The following ZNF615 variants were observed in gnomAD, a reference collection of about 807,000 sequenced individuals.
The protein encoded by ZNF615 is zinc finger protein 615.
Under a neutral mutation model 15.3 loss-of-function variants are expected in ZNF615, and 15 were observed. The observed-to-expected ratio is 0.98, with a 90% confidence interval of 0.66 to 1.51. ZNF615 has a LOEUF of 1.51. ZNF615 is among the 40% of genes most tolerant of loss of function. The pLI is 0.00. For missense variants in ZNF615, 848 were observed against 895.9 expected, an observed-to-expected ratio of 0.95 and a Z score of 0.68; for synonymous variants, 268 against 294.6, an observed-to-expected ratio of 0.91 and a Z score of 0.92.
intron 6 of ZNF615, among the ~76,000 whole-genome samples, chr19:51,996,160 C>A (rs1461652720): frequency 1.3e-5 from 2 of 151,856 alleles, no homozygotes; most frequent in African/African-American, 2.4e-5. Context: ...GAGGACAAAG[C>A]GGGTAGATCA....
chr19:51,998,497 A>G (rs2086504201), intron 6 of ZNF615, among the ~76,000 whole-genome samples: 1 of 152,182 alleles, frequency 6.6e-6, no homozygotes, highest in African/African-American at 2.4e-5. Flanking sequence ...CCTTATAGCA[A>G]TTTTTACTCC....
Position 51,993,390 on chromosome 19 carries a change from A to G in ZNF615, c.1719T>C (p.His573=). 1.2e-6 allele frequency: 2 copies of G among 1,614,072 alleles called. No homozygotes were observed. Among genetic ancestry groups the G allele is most frequent in the Non-Finnish European group, 1.7e-6 (2 of 1,179,990 alleles). ...KSHLNVHRRT[H]TGEKPYVCSE... ...TGCATACATAGGGTTTCTCTCCTGT[A>G]TGAGTGCGCCGATGTACATTGAGAT... is the stretch of plus-strand genomic sequence containing the variant. Residue 573 remains histidine, a synonymous_variant, in exon 7 of 7, where the codon CAT becomes CAC. Coordinates refer to ENST00000598071, the MANE Select transcript of ZNF615 (RefSeq NM_001199324.2).
chr19:51,995,185 C>T lies in ZNF615; in HGVS notation c.272-348G>A, dbSNP rs546301878. On this transcript the variant is annotated intron_variant, in intron 6 of 6. Coordinates refer to ENST00000598071, the MANE Select transcript of ZNF615 (RefSeq NM_001199324.2). ...ACATTGGGAGAGATGTGTAAGATTC[C>T]TTTTATCTCTTACACATAAAGGAAA... Among the ~76,000 whole-genome samples the T allele has an allele frequency of 1.9e-3, 289 of 152,186 alleles. 1 individual carries two copies. Among genetic ancestry groups the T allele is most frequent in the African/African-American group, 6.6e-3 (274 of 41,522 alleles).
Position 51,994,366 on chromosome 19 carries a change from C to A in ZNF615, c.743G>T (p.Cys248Phe). ...GGATTTTCTGGAGAAAGCTTTCCCA[C>A]ACATACTGCATACATGAGGTTTTTC... ...TGEKPHVCSM[C>F]GKAFSRKSRL... The change falls in exon 7 of 7, where the codon TGT becomes TTT. Residue 248 changes from cysteine to phenylalanine, a missense_variant. Transcript: ENST00000598071. 6.2e-7 allele frequency: 1 copy of A among 1,614,130 alleles called. No homozygotes were observed. The highest frequency in any genetic ancestry group is 1.3e-5 in the African/African-American group (1 of 75,050).
intron 5 of ZNF615, among the ~76,000 whole-genome samples, chr19:52,001,511 A>G (rs779274479): frequency 2.3e-4 from 35 of 151,384 alleles, no homozygotes; most frequent in South Asian, 6.3e-4. Flanking sequence ...CCAGCTACTC[A>G]GGAGGCTGAG....
intron 3 of ZNF615, chr19:52,002,509 C>A: frequency 1.6e-6 from 1 of 633,516 alleles, no homozygotes; most frequent in Non-Finnish European, 2.9e-6. Flanking sequence ...ACACAGCTAT[C>A]CAATCCTCTT....
chr19:51,998,844 G>A (rs1292212032), intron 6 of ZNF615, among the ~76,000 whole-genome samples: 2 of 152,038 alleles, frequency 1.3e-5, no homozygotes, highest in African/African-American at 2.4e-5. Context: ...TAGTAGAAAC[G>A]GGGTTTCACC....
chr19:51,993,626 A>G lies in ZNF615; in HGVS notation c.1483T>C (p.Tyr495His). Residue 495 changes from tyrosine (Y) to histidine (H), a missense_variant, in exon 7 of 7, where the codon TAT becomes CAT. By Grantham distance (83) the Tyr-to-His change is moderately conservative. Transcript: ENST00000598071. ...CCTTTTCCACAATCATTGCATATATATGGCTTCTCTGCAGTATGAGTTCGC... is the reference window on the plus strand; with the variant it reads ...CCTTTTCCACAATCATTGCATATATGTGGCTTCTCTGCAGTATGAGTTCGC... ...HQRTHTAEKPYICNDCGKGFT... is the reference protein window; with the variant it reads ...HQRTHTAEKPHICNDCGKGFT... The G allele has an allele frequency of 6.2e-7, 1 of 1,614,032 alleles. No homozygotes were observed.
Position 51,993,451 on chromosome 19 carries a change from C to T in ZNF615, c.1658G>A (p.Cys553Tyr). 7 of 1,614,148 alleles carry T rather than the reference C, an allele frequency of 4.3e-6. No individual in the cohort carries two copies. Among genetic ancestry groups the T allele is most frequent in the Non-Finnish European group, 5.1e-6 (6 of 1,180,016 alleles). Residue 553 changes from cysteine (C) to tyrosine (Y), a missense_variant, in exon 7 of 7, where the codon TGC becomes TAC. Transcript: ENST00000598071. ...RTHTGEKPYI[C>Y]NECGKGFTEK... Reference sequence around the variant, plus strand: ...AGTGAAGCCTTTTCCACACTCATTGCAAATATAAGGTTTCTCTCCTGTATG... The same window carrying T: ...AGTGAAGCCTTTTCCACACTCATTGTAAATATAAGGTTTCTCTCCTGTATG...
At chr19:52,003,983 G>T in intron 2 of ZNF615, 83 bp from the exon 3 acceptor site, 1 of 967,310 alleles carries the variant, frequency 1.0e-6, no homozygotes. Context: ...CTTAAATCAA[G>T]GCCCCCAAAT....
Position 51,992,657 on chromosome 19 carries a change from G to A in ZNF615, c.*223C>T, listed in dbSNP as rs2086266396. On this transcript the variant is annotated 3_prime_UTR_variant, in exon 7 of 7. Coordinates refer to ENST00000598071, the MANE Select transcript of ZNF615 (RefSeq NM_001199324.2). ...TGAGGGGGTTTATCTTCCCACCAAAGGCTTTTATAGTCTGCCACATTCATA... is the reference window on the plus strand; with the variant it reads ...TGAGGGGGTTTATCTTCCCACCAAAAGCTTTTATAGTCTGCCACATTCATA... 2 of 544,242 alleles carry A rather than the reference G, an allele frequency of 3.7e-6. No individual in the cohort carries two copies. The highest frequency in any genetic ancestry group is 6.4e-6 in the Non-Finnish European group (2 of 312,998). The allele number at this position is 544,242 out of a possible 1,614,324, so 33.7% of individuals were successfully genotyped here. A position where few individuals can be genotyped will look rare whatever the true frequency, so the allele number is the denominator to read the frequency against.
At position 51,992,881 on chromosome 19, in the gene ZNF615, T is replaced by C. The variant is rs942920665; in HGVS notation, c.2228A>G (p.Ter743TrpextTer13). The part of the protein sequence containing the change: ...ILVKHRRIHR[*>W] ...TGGCAAGAGGCTTTCCCAAAATGAC[T>C]ACCTGTGAATTCTCCTGTGTTTAAC... The change falls in exon 7 of 7, where the codon TAG becomes TGG. Residue 743 changes from the stop codon to tryptophan, a stop_lost. Coordinates refer to ENST00000598071, the MANE Select transcript of ZNF615 (RefSeq NM_001199324.2). 1 of 1,612,718 alleles carries C rather than the reference T, an allele frequency of 6.2e-7. No homozygotes were observed. The highest frequency in any genetic ancestry group is 1.7e-5 in the Admixed American group (1 of 59,956).
intron 3 of ZNF615, chr19:52,002,572 A>G (rs2086631477): frequency 2.1e-6 from 1 of 478,862 alleles, no homozygotes; most frequent in Non-Finnish European, 4.1e-6. Flanking sequence ...ATACCAAACT[A>G]GTCATAAGTA....
chr19:51,994,327 T>C lies in ZNF615; in HGVS notation c.782A>G (p.His261Arg). Residue 261 changes from histidine (H) to arginine (R), a missense_variant, in exon 7 of 7, where the codon CAT becomes CGT. His to Arg is a conservative substitution (Grantham distance 29). Coordinates refer to ENST00000598071, the MANE Select transcript of ZNF615 (RefSeq NM_001199324.2). ...TTTCAGTTCTGTATGAGTTCTCTGATGGTCCATTAGTCTGGATTTTCTGGA... is the reference window on the plus strand; with the variant it reads ...TTTCAGTTCTGTATGAGTTCTCTGACGGTCCATTAGTCTGGATTTTCTGGA... ...AFSRKSRLMDHQRTHTELKHY... is the reference protein window; with the variant it reads ...AFSRKSRLMDRQRTHTELKHY... 1 of 1,614,192 alleles carries C rather than the reference T, an allele frequency of 6.2e-7. No individual in the cohort carries two copies. Among genetic ancestry groups the C allele is most frequent in the Non-Finnish European group, 8.5e-7 (1 of 1,180,040 alleles).
At chr19:52,000,814 A>T (rs2086569229) in intron 5 of ZNF615, among the ~76,000 whole-genome samples, 1 of 151,990 alleles carries the variant, frequency 6.6e-6, no homozygotes, top group African/African-American at 2.4e-5. Context: ...TCAGCTGAGC[A>T]TGGTGATGTG....
chr19:51,994,565 T>C lies in ZNF615; in HGVS notation c.544A>G (p.Lys182Glu), dbSNP rs375716314. The change falls in exon 7 of 7, where the codon AAA becomes GAA. Residue 182 changes from lysine to glutamate, a missense_variant. Physicochemically the swap from Lys to Glu is moderately conservative, Grantham distance 56. Transcript: ENST00000598071. ...DGKSLFHANH[K>E]QFYTEMKFPA... ...AACTTCATTTCAGTATAAAATTGTTTATGGTTAGCATGAAAAAGGGATTTC... is the reference window on the plus strand; with the variant it reads ...AACTTCATTTCAGTATAAAATTGTTCATGGTTAGCATGAAAAAGGGATTTC... 1.2e-6 allele frequency: 2 copies of C among 1,614,136 alleles called. No individual in the cohort carries two copies. Among genetic ancestry groups the C allele is most frequent in the East Asian group, 4.5e-5 (2 of 44,876 alleles).
At chr19:52,007,365 C>T (rs1035766207) in intron 1 of ZNF615, 35 bp from the exon 2 acceptor site, 2 of 1,255,260 alleles carry the variant, frequency 1.6e-6, no homozygotes, top group Non-Finnish European at 2.1e-6. Context: ...ACGCTGGAAA[C>T]TTGCAGGACA....
chr19:51,994,292 A>C lies in ZNF615; in HGVS notation c.817T>G (p.Cys273Gly), dbSNP rs758630125. The change falls in exon 7 of 7, where the codon TGC becomes GGC. Residue 273 changes from cysteine to glycine, a missense_variant. Cys to Gly is a radical substitution (Grantham distance 159). Transcript: ENST00000598071. ...AGGAAGGTTTTGTCACATTCAGTGC[A>C]TTCATAATGTTTCAGTTCTGTATGA... is the stretch of plus-strand genomic sequence containing the variant. ...RTHTELKHYECTECDKTFLKK... is the reference protein window; with the variant it reads ...RTHTELKHYEGTECDKTFLKK... The C allele has an allele frequency of 1.2e-6, 2 of 1,614,048 alleles. No individual in the cohort carries two copies. Among genetic ancestry groups the C allele is most frequent in the South Asian group, 1.1e-5 (1 of 91,094 alleles).
In ZNF615 at chr19:52,001,783, G is replaced by A. The variant is rs374486135; in HGVS notation, c.238+30C>T. The A allele has an allele frequency of 4.6e-5, 73 of 1,590,138 alleles. No individual in the cohort carries two copies. The African/African-American group carries it at 8.2e-4, about 18-fold the overall frequency. On this transcript the variant is annotated intron_variant, in intron 5 of 6. Coordinates refer to ENST00000598071, the MANE Select transcript of ZNF615 (RefSeq NM_001199324.2). ...GTGTGGGCAGAACATGGTGTCTGTGGCTGTCCACCTGGCTGCTCCTCTCAC... is the reference window on the plus strand; with the variant it reads ...GTGTGGGCAGAACATGGTGTCTGTGACTGTCCACCTGGCTGCTCCTCTCAC...
Sources: allele counts gnomAD v4.1 joint callset (sites outside exome capture counted in the v4.1 genomes callset), GRCh38; gene constraint gnomAD v4.1.1; transcripts MANE v1.5; gene names NCBI Gene and HGNC (gene_info 2026-07-23, HGNC 2026-07-21).